The following SETD4 variants were observed in gnomAD, a reference collection of about 807,000 sequenced individuals.
SETD4 encodes the protein SET domain-containing protein 4.
A neutral mutation model predicts 58.3 loss-of-function variants in SETD4; 46 were observed. The observed-to-expected ratio is 0.79, with a 90% CI of 0.62 to 1.01. SETD4 has a LOEUF of 1.01. Ranked by LOEUF, SETD4 falls within the 50% of genes least tolerant of loss-of-function variation. SETD4 has a pLI of 0.00. For missense variants in SETD4, 490 were observed against 523.3 expected, an observed-to-expected ratio of 0.94 and a Z score of 0.62; for synonymous variants, 190 against 202.6, an observed-to-expected ratio of 0.94 and a Z score of 0.53.
intron 6 of SETD4, among the ~76,000 whole-genome samples, chr21:36,045,234 C>CG (rs1270424643): frequency 5.9e-5 from 9 of 152,182 alleles, no homozygotes; most frequent in Admixed American, 4.6e-4. Flanking sequence ...TTAAAAGGGA[C>CG]GGGGCAGGAA....
At chr21:36,041,703 A>G in intron 8 of SETD4, 104 bp downstream of exon 8, 1 of 728,480 alleles carries the variant, frequency 1.4e-6, no homozygotes, top group East Asian at 2.8e-5. Context: ...CCGTCAGCTG[A>G]TACAGGGTCA....
intron 10 of SETD4, among the ~76,000 whole-genome samples, chr21:36,037,612 A>T (rs1313623155): frequency 6.6e-6 from 1 of 151,046 alleles, no homozygotes; most frequent in Non-Finnish European, 1.5e-5. Flanking sequence ...CTCAAAAAAA[A>T]AAAAAAAATA....
At chr21:36,057,480 T>TAAA in intron 2 of SETD4, 6 of 532,992 alleles carry the variant, frequency 1.1e-5, no homozygotes, top group South Asian at 5.2e-5. Flanking sequence ...CCCCATCTCT[T>TAAA]AAAAAAAAAA....
intron 3 of SETD4, among the ~76,000 whole-genome samples, chr21:36,056,636 G>A (rs367617292): frequency 6.6e-6 from 1 of 152,180 alleles, no homozygotes; most frequent in African/African-American, 2.4e-5. Context: ...ATGGCTCTCT[G>A]CAGCCTCAGC....
chr21:36,054,919 T>C (rs537702395), intron 3 of SETD4, among the ~76,000 whole-genome samples: 1 of 151,782 alleles, frequency 6.6e-6, no homozygotes, highest in South Asian at 2.1e-4. Context: ...TTGGATTTGA[T>C]GCTCCTGGCT....
At chr21:36,050,560 A>C in intron 4 of SETD4, 3 of 1,613,980 alleles carry the variant, frequency 1.9e-6, no homozygotes, top group Non-Finnish European at 2.5e-6. Flanking sequence ...TGCGTTAATA[A>C]GTTCTGGACA....
intron 4 of SETD4, among the ~76,000 whole-genome samples, chr21:36,048,795 G>A (rs1210006129): frequency 1.5e-5 from 2 of 133,298 alleles, no homozygotes; most frequent in African/African-American, 5.3e-5. Context: ...TCAGCTCACT[G>A]CAACCTCCAC....
At position 36,045,710 on chromosome 21, in the gene SETD4, C is replaced by A. The variant is rs140282285; in HGVS notation, c.598G>T (p.Ala200Ser). 240 of 1,614,178 alleles carry A rather than the reference C, an allele frequency of 1.5e-4. No individual in the cohort carries two copies. The African/African-American group carries it at 2.7e-3, about 18-fold the overall frequency. ...GCTCTGGTGTTGACGGTGCACCAAG[C>A]CCACAGCAGGGCACTGTAGCTGAAG... The part of the protein sequence containing the change: ...SIFSYSALLW[A>S]WCTVNTRAVY... The change falls in exon 6 of 12, where the codon GCT becomes TCT. Residue 200 changes from alanine to serine, a missense_variant. By Grantham distance (99) the Ala-to-Ser change is moderately conservative. Transcript: ENST00000332131.
At position 36,036,205 on chromosome 21, in the gene SETD4, G is replaced by A. The variant is rs2063771575; in HGVS notation, c.1235C>T (p.Thr412Ile). The change falls in exon 11 of 12, where the codon ACT becomes ATT. Residue 412 changes from threonine (T) to isoleucine (I), a missense_variant. Thr to Ile is a moderately conservative substitution (Grantham distance 89). Coordinates refer to ENST00000332131, the MANE Select transcript of SETD4 (RefSeq NM_017438.5). ...DEKEALINQL[T>I]LVESLWTEEL... ...TTCCGTCCACAAGGATTCCACCAAA[G>A]TTAGTTGGTTTATCAGGGCCTCTTT... is the stretch of plus-strand genomic sequence containing the variant. 2 of 1,613,358 alleles carry A rather than the reference G, an allele frequency of 1.2e-6. No homozygotes were observed. Among genetic ancestry groups the A allele is most frequent in the East Asian group, 2.2e-5 (1 of 44,886 alleles).
intron 3 of SETD4, among the ~76,000 whole-genome samples, chr21:36,054,209 G>A (rs573583565): frequency 7.2e-5 from 11 of 152,294 alleles, no homozygotes; most frequent in Middle Eastern, 3.4e-3. Context: ...CCAAGGCTCC[G>A]GCTGGAGCAC....
intron 7 of SETD4, chr21:36,043,556 C>A: frequency 7.3e-7 from 1 of 1,369,530 alleles, no homozygotes; most frequent in East Asian, 2.8e-5. Context: ...ATCTTCTGAC[C>A]CAATGCAATG....
At chr21:36,057,295 G>A (rs1429159412) in intron 2 of SETD4, 91 bp from the exon 3 acceptor site, 1 of 965,986 alleles carries the variant, frequency 1.0e-6, no homozygotes. Flanking sequence ...AAATGTGTCA[G>A]ACAGACTTAC....
chr21:36,057,970 T>G (rs1374958493), intron 2 of SETD4, among the ~76,000 whole-genome samples: 1 of 152,222 alleles, frequency 6.6e-6, no homozygotes, highest in Non-Finnish European at 1.5e-5. Context: ...GGCCAAGCAC[T>G]TTTGTATTGA....
chr21:36,036,494 C>T (rs1361605474), intron 10 of SETD4: 1 of 352,426 alleles, frequency 2.8e-6, no homozygotes, highest in African/African-American at 2.2e-5. Flanking sequence ...ACCTCTACTC[C>T]ACTCTCTGTC....
At chr21:36,038,322 C>G in intron 9 of SETD4, 49 bp from the exon 10 acceptor site, 1 of 1,597,918 alleles carries the variant, frequency 6.3e-7, no homozygotes, top group Non-Finnish European at 8.5e-7. Context: ...TCTCAAAAAA[C>G]AGATTTTTTT....
intron 5 of SETD4, among the ~76,000 whole-genome samples, chr21:36,046,838 C>T (rs762695940): frequency 2.6e-5 from 4 of 152,190 alleles, no homozygotes; most frequent in Non-Finnish European, 5.9e-5. Context: ...CTCAAAATTT[C>T]AGAATGATTC....
At chr21:36,042,583 A>G (rs1314427016) in intron 7 of SETD4, 2 of 152,208 alleles carry the variant, frequency 1.3e-5, no homozygotes, top group Admixed American at 6.5e-5. Context: ...TATTCTGCCT[A>G]TAAGATGGAG....
intron 6 of SETD4, among the ~76,000 whole-genome samples, chr21:36,044,234 A>T (rs1263720406): frequency 6.6e-6 from 1 of 152,218 alleles, no homozygotes; most frequent in South Asian, 2.1e-4. Flanking sequence ...GGTCACGTCC[A>T]CTCACAGCCC....
chr21:36,036,142 T>G lies in SETD4; in HGVS notation c.1298A>C (p.His433Pro). Residue 433 changes from histidine (H) to proline (P), a missense_variant, in exon 11 of 12, where the codon CAC becomes CCC. His to Pro is a moderately conservative substitution (Grantham distance 77). Coordinates refer to ENST00000332131, the MANE Select transcript of SETD4 (RefSeq NM_017438.5). ...TCAGGTAAAAGCTGTTTGCAAACTG[T>G]GCAGGGTCTCGGCAGATGCCCTGAG... The part of the protein sequence containing the change: ...KILRASAETL[H>P]SLQTAFT 1 of 1,614,176 alleles carries G rather than the reference T, an allele frequency of 6.2e-7. No individual in the cohort carries two copies. The highest frequency in any genetic ancestry group is 8.5e-7 in the Non-Finnish European group (1 of 1,180,030).
Sources: gnomAD v4.1 joint callset for allele counts (sites outside exome capture counted in the v4.1 genomes callset) on GRCh38, gnomAD v4.1.1 for gene constraint, MANE v1.5 for transcripts, NCBI Gene and HGNC (gene_info 2026-07-23, HGNC 2026-07-21) for gene names.